Variants in SLC49A4 observed in about 807,000 individuals in gnomAD.
SLC49A4 encodes disrupted in renal cancer protein 2.
SLC49A4 carries 36 observed loss-of-function variants against 50.6 expected under a neutral mutation model. That is an observed-to-expected ratio of 0.71 (90% CI 0.55 to 0.94). The LOEUF (loss-of-function observed/expected upper bound fraction) is 0.94. SLC49A4 is among the 40% of genes least tolerant of loss of function. SLC49A4 has a pLI of 0.00. For synonymous variants in SLC49A4, 248 were observed against 241.2 expected, an observed-to-expected ratio of 1.03 and a Z score of -0.26; for missense variants, 503 against 605.7, an observed-to-expected ratio of 0.83 and a Z score of 1.78.
rs192281572 is a variant in SLC49A4, at chr3:122,848,834, T to C, written c.942+2963T>C. Among the ~76,000 whole-genome samples the C allele has an allele frequency of 1.4e-3, 213 of 152,292 alleles. 4 individuals are homozygous for C. The highest frequency in any genetic ancestry group is 1.3e-3 in the Non-Finnish European group (90 of 68,008). ...TGTTGGGAACTTACAACTCTTCTCT[T>C]CTAGCTATTTTGAAATACACAATAA... On this transcript the variant is annotated intron_variant, in intron 5 of 8. Transcript: ENST00000261038.
chr3:122,822,018 T>C (rs1489622631), intron 2 of SLC49A4, among the ~76,000 whole-genome samples: 2 of 152,126 alleles, frequency 1.3e-5, no homozygotes, highest in Non-Finnish European at 2.9e-5. Flanking sequence ...GCCCAGTCTG[T>C]GAGTTCCCGA....
intron 4 of SLC49A4, among the ~76,000 whole-genome samples, chr3:122,837,007 A>G (rs1004445329): frequency 5.9e-5 from 9 of 152,224 alleles, no homozygotes; most frequent in Admixed American, 5.2e-4. Context: ...CTTACAAGGG[A>G]TGTGAAGGAC....
chr3:122,809,713 G>A (rs1051211259), intron 2 of SLC49A4, among the ~76,000 whole-genome samples: 4 of 152,200 alleles, frequency 2.6e-5, no homozygotes, highest in Middle Eastern at 6.8e-3. Flanking sequence ...AAGGTGGTAT[G>A]AAAAAGAAAC....
At chr3:122,862,469 A>T (rs1378814074) in intron 7 of SLC49A4, among the ~76,000 whole-genome samples, 1 of 152,248 alleles carries the variant, frequency 6.6e-6, no homozygotes, top group Admixed American at 6.5e-5. Flanking sequence ...CACAACTGGC[A>T]TCCTACATTG....
chr3:122,820,842 G>C (rs1371159643), intron 2 of SLC49A4, among the ~76,000 whole-genome samples: 1 of 152,180 alleles, frequency 6.6e-6, no homozygotes, highest in African/African-American at 2.4e-5. Flanking sequence ...GCAGCACCAG[G>C]TCTCCCTCTC....
At chr3:122,874,269 T>A (rs2107584985) in intron 8 of SLC49A4, among the ~76,000 whole-genome samples, 1 of 152,356 alleles carries the variant, frequency 6.6e-6, no homozygotes, top group East Asian at 1.9e-4. Flanking sequence ...TGGGTCCTGC[T>A]GCGGTTTTGA....
intron 7 of SLC49A4, among the ~76,000 whole-genome samples, chr3:122,862,409 T>C (rs559254621): frequency 2.6e-5 from 4 of 152,314 alleles, no homozygotes; most frequent in African/African-American, 9.6e-5. Flanking sequence ...GAAAACCCAG[T>C]TGTCCAAAGT....
chr3:122,851,464 C>T (rs990344079), intron 5 of SLC49A4, among the ~76,000 whole-genome samples: 1 of 151,532 alleles, frequency 6.6e-6, no homozygotes, highest in African/African-American at 2.4e-5. Context: ...TCTTTTGGTT[C>T]TTTGAAAAAA....
chr3:122,802,763 G>A (rs1244414829), intron 1 of SLC49A4, among the ~76,000 whole-genome samples: 13 of 152,084 alleles, frequency 8.5e-5, no homozygotes. Context: ...TGTCTGAGAT[G>A]AAAAAAATAT....
chr3:122,821,101 C>T (rs578154211), intron 2 of SLC49A4, among the ~76,000 whole-genome samples: 3 of 152,340 alleles, frequency 2.0e-5, no homozygotes, highest in East Asian at 1.9e-4. Context: ...GTCTTGCCTG[C>T]CGCCATGTAA....
chr3:122,869,686 T>G (rs894752283), intron 7 of SLC49A4, among the ~76,000 whole-genome samples: 4 of 152,246 alleles, frequency 2.6e-5, no homozygotes, highest in Non-Finnish European at 1.5e-5. Flanking sequence ...CAGCAATGTT[T>G]AACCACAATA....
At chr3:122,853,745 G>A (rs1342664208) in intron 5 of SLC49A4, among the ~76,000 whole-genome samples, 1 of 152,172 alleles carries the variant, frequency 6.6e-6, no homozygotes, top group Non-Finnish European at 1.5e-5. Context: ...GGGTGACAGA[G>A]TAAGGCCCCA....
intron 1 of SLC49A4, among the ~76,000 whole-genome samples, chr3:122,804,434 G>A (rs1936180126): frequency 6.6e-6 from 1 of 152,140 alleles, no homozygotes; most frequent in African/African-American, 2.4e-5. Flanking sequence ...ACTATATTAG[G>A]CTATTCTCCT....
At chr3:122,878,279 G>T (rs901729761) in intron 8 of SLC49A4, among the ~76,000 whole-genome samples, 4 of 152,176 alleles carry the variant, frequency 2.6e-5, no homozygotes, top group Non-Finnish European at 5.9e-5. Flanking sequence ...TTTATTTTTT[G>T]AATTGAAACT....
At chr3:122,808,230 A>G (rs978423494) in intron 2 of SLC49A4, among the ~76,000 whole-genome samples, 2 of 152,206 alleles carry the variant, frequency 1.3e-5, no homozygotes, top group Non-Finnish European at 2.9e-5. Flanking sequence ...ATGACATACT[A>G]TGTTTGTGAT....
chr3:122,851,061 C>T (rs368956019), intron 5 of SLC49A4, among the ~76,000 whole-genome samples: 1 of 152,062 alleles, frequency 6.6e-6, no homozygotes, highest in Admixed American at 6.6e-5. Context: ...AGAATTTTAC[C>T]TTTTCTAGGA....
intron 1 of SLC49A4, 62 bp from the exon 2 acceptor site, chr3:122,806,795 T>C: frequency 9.7e-7 from 1 of 1,031,366 alleles, no homozygotes; most frequent in South Asian, 1.3e-5. Context: ...AAATAATCTT[T>C]ATTTTTAACA....
At chr3:122,817,223 A>G (rs1936381198) in intron 2 of SLC49A4, among the ~76,000 whole-genome samples, 1 of 152,196 alleles carries the variant, frequency 6.6e-6, no homozygotes, top group African/African-American at 2.4e-5. Flanking sequence ...AGATTTGAGG[A>G]AGAAGAAGTC....
At chr3:122,817,572 A>G (rs1936389062) in intron 2 of SLC49A4, among the ~76,000 whole-genome samples, 1 of 150,054 alleles carries the variant, frequency 6.7e-6, no homozygotes, top group South Asian at 2.1e-4. Flanking sequence ...GTGTGTGTGT[A>G]TTTTTATTTA....
Sources: allele counts gnomAD v4.1 joint callset (sites outside exome capture counted in the v4.1 genomes callset), GRCh38; gene constraint gnomAD v4.1.1; transcripts MANE v1.5; gene names NCBI Gene and HGNC (gene_info 2026-07-23, HGNC 2026-07-21).